The following CSMD1 variants were observed in gnomAD, a reference collection of about 807,000 sequenced individuals.
CSMD1 encodes the protein CUB and Sushi multiple domains 1, also known as CUB and sushi domain-containing protein 1.
CSMD1 carries 213 observed loss-of-function variants against 417.5 expected under a neutral mutation model. The observed-to-expected ratio is 0.51, with a 90% CI of 0.46 to 0.57. CSMD1 has a LOEUF of 0.57. CSMD1 is among the 20% of genes least tolerant of loss of function. CSMD1 has a pLI of 0.00. For missense variants in CSMD1, 6,923 were observed against 4,529.7 expected, an observed-to-expected ratio of 1.53 and a Z score of -15.17; for synonymous variants, 2,862 against 1,736.8, an observed-to-expected ratio of 1.65 and a Z score of -16.11.
chr8:3,928,291 T>A (rs150639997), intron 5 of CSMD1, among the ~76,000 whole-genome samples: 71 of 152,354 alleles, frequency 4.7e-4, no homozygotes, highest in African/African-American at 1.7e-3. Context: ...TTACATTGAT[T>A]ATTCAACTTC....
intron 5 of CSMD1, among the ~76,000 whole-genome samples, chr8:3,938,292 T>C (rs1810641589): frequency 6.6e-6 from 1 of 152,140 alleles, no homozygotes; most frequent in Non-Finnish European, 1.5e-5. Flanking sequence ...AAAAACTGCA[T>C]GCTGGAGTTC....
intron 23 of CSMD1, among the ~76,000 whole-genome samples, chr8:3,342,679 C>A (rs538304452): frequency 2.0e-5 from 3 of 152,162 alleles, no homozygotes; most frequent in Non-Finnish European, 4.4e-5. Flanking sequence ...TTTGTTCATA[C>A]AGATGATGGG....
chr8:4,572,426 A>T (rs1585268184), intron 2 of CSMD1, among the ~76,000 whole-genome samples: 1 of 152,170 alleles, frequency 6.6e-6, no homozygotes, highest in South Asian at 2.1e-4. Context: ...CTTTTCTTCA[A>T]GAATGTTGAA....
At position 4,614,400 on chromosome 8, in the gene CSMD1, A is replaced by G. The variant is rs544821816; in HGVS notation, c.302+22942T>C. On this transcript the variant is annotated intron_variant, in intron 2 of 69. Coordinates refer to ENST00000635120, the MANE Select transcript of CSMD1 (RefSeq NM_033225.6). ...GAGGTTGACAGAAAACAGTCCAGAT[A>G]TTAAGGTCAGAAAATCCAGCACCTA... Among the ~76,000 whole-genome samples the G allele has an allele frequency of 2.9e-4, 44 of 152,328 alleles. No homozygotes were observed. In the South Asian group the frequency reaches 8.1e-3, roughly 28 times the overall value.
At chr8:4,205,553 G>A (rs899477421) in intron 3 of CSMD1, among the ~76,000 whole-genome samples, 5 of 152,104 alleles carry the variant, frequency 3.3e-5, no homozygotes, top group African/African-American at 9.7e-5. Context: ...GAAAGTTGAC[G>A]GAACTCACTG....
intron 8 of CSMD1, among the ~76,000 whole-genome samples, chr8:3,587,460 T>C (rs1436910209): frequency 2.0e-5 from 3 of 152,258 alleles, no homozygotes; most frequent in South Asian, 4.2e-4. Flanking sequence ...AGAAGCACAG[T>C]TGTCAGTGTG....
chr8:3,267,424 G>A (rs1477539281), intron 26 of CSMD1, among the ~76,000 whole-genome samples: 1 of 152,218 alleles, frequency 6.6e-6, no homozygotes, highest in Non-Finnish European at 1.5e-5. Context: ...ATAGATGATG[G>A]CAGTTGAGCA....
chr8:3,070,205 T>G (rs1251207028), intron 49 of CSMD1, among the ~76,000 whole-genome samples: 3 of 152,214 alleles, frequency 2.0e-5, no homozygotes, highest in Non-Finnish European at 4.4e-5. Context: ...CAAGGCCTTT[T>G]CCCCATTGTT....
intron 3 of CSMD1, among the ~76,000 whole-genome samples, chr8:4,147,628 T>C (rs990691180): frequency 3.3e-5 from 5 of 152,092 alleles, no homozygotes; most frequent in African/African-American, 1.2e-4. Flanking sequence ...ACATGTGGCA[T>C]GTAGTGCATG....
At chr8:3,295,596 G>C (rs796745106) in intron 25 of CSMD1, among the ~76,000 whole-genome samples, 4 of 152,292 alleles carry the variant, frequency 2.6e-5, no homozygotes, top group African/African-American at 9.6e-5. Flanking sequence ...ATATTCCACT[G>C]TACTGATGCA....
In CSMD1 at chr8:4,208,305, C is replaced by A. The variant is rs966181245; in HGVS notation, c.416-176206G>T. Among the ~76,000 whole-genome samples the A allele has an allele frequency of 1.3e-5, 2 of 152,092 alleles. 1 individual carries two copies. Among genetic ancestry groups the A allele is most frequent in the South Asian group, 4.1e-4 (2 of 4,830 alleles). On this transcript the variant is annotated intron_variant, in intron 3 of 69. Coordinates refer to ENST00000635120, the MANE Select transcript of CSMD1 (RefSeq NM_033225.6). ...AAACAAGAAGAATTAGAAAAAAAGA[C>A]TGGAGAAGAAATAAAAGCAAATCAG...
At chr8:4,530,689 G>C (rs1333223991) in intron 2 of CSMD1, among the ~76,000 whole-genome samples, 1 of 149,664 alleles carries the variant, frequency 6.7e-6, no homozygotes, top group Non-Finnish European at 1.5e-5. Flanking sequence ...TCTTTTTTAG[G>C]GCTGCATAGT....
intron 5 of CSMD1, among the ~76,000 whole-genome samples, chr8:3,983,250 C>T (rs1469921473): frequency 6.6e-6 from 1 of 151,890 alleles, no homozygotes; most frequent in Non-Finnish European, 1.5e-5. Context: ...CCTGCCTCAG[C>T]CTCCCGAGTA....
chr8:4,269,623 A>T (rs537244407), intron 3 of CSMD1, among the ~76,000 whole-genome samples: 84 of 152,262 alleles, frequency 5.5e-4, no homozygotes, highest in Non-Finnish European at 1.1e-3. Flanking sequence ...TTTTATACGT[A>T]TATTGTAAAT....
At chr8:3,299,199 C>G (rs1012243178) in intron 25 of CSMD1, among the ~76,000 whole-genome samples, 1 of 152,128 alleles carries the variant, frequency 6.6e-6, no homozygotes, top group Non-Finnish European at 1.5e-5. Flanking sequence ...CGCCTGTAAT[C>G]CCAGTATTTT....
intron 3 of CSMD1, among the ~76,000 whole-genome samples, chr8:4,276,613 AG>A (rs1361243147): frequency 6.6e-6 from 1 of 152,176 alleles, no homozygotes; most frequent in Admixed American, 6.5e-5. Flanking sequence ...TAATAAAAAA[AG>A]TGATACACAT....
chr8:4,302,866 C>A (rs1337960684), intron 3 of CSMD1, among the ~76,000 whole-genome samples: 3 of 152,072 alleles, frequency 2.0e-5, no homozygotes, highest in African/African-American at 7.2e-5. Flanking sequence ...GCAGGACCAG[C>A]AGTTTAAATG....
intron 5 of CSMD1, among the ~76,000 whole-genome samples, chr8:3,875,071 C>T (rs1432895055): frequency 6.6e-6 from 1 of 151,990 alleles, no homozygotes; most frequent in African/African-American, 2.4e-5. Flanking sequence ...GAAGAGCGGA[C>T]ACAGAAAGGT....
At chr8:3,038,088 T>A (rs915273363) in intron 50 of CSMD1, among the ~76,000 whole-genome samples, 3 of 151,846 alleles carry the variant, frequency 2.0e-5, no homozygotes, top group African/African-American at 7.2e-5. Flanking sequence ...CAGACTTAGA[T>A]CCTGGAATAT....
Sources: gnomAD v4.1 joint callset for allele counts (sites outside exome capture counted in the v4.1 genomes callset) on GRCh38, gnomAD v4.1.1 for gene constraint, MANE v1.5 for transcripts, NCBI Gene and HGNC (gene_info 2026-07-23, HGNC 2026-07-21) for gene names.